FBN2: variants seen among roughly 807,000 people sequenced by gnomAD.
The protein encoded by FBN2 is fibrillin 2.
Under a neutral mutation model 355.6 loss-of-function variants are expected in FBN2, and 105 were observed. That is an observed-to-expected ratio of 0.30 (90% CI 0.25 to 0.35). The LOEUF is 0.35. Among genes scored for constraint, FBN2 ranks in the 10% least tolerant of loss-of-function variants. FBN2 has a pLI of 1.00. For synonymous variants in FBN2, 1,350 were observed against 1,301.2 expected (o/e 1.04, Z -0.81); for missense variants, 3,280 against 3,758.7 (o/e 0.87, Z 3.33).
chr5:128,512,328 G>A (rs1431560277), intron 5 of FBN2, among the ~76,000 whole-genome samples: 1 of 151,856 alleles, frequency 6.6e-6, no homozygotes, highest in Non-Finnish European at 1.5e-5. Context: ...CCTGGCCAAC[G>A]TGGCAAAACC....
chr5:128,386,621 A>AT (rs1477552274), intron 11 of FBN2, among the ~76,000 whole-genome samples: 1 of 152,112 alleles, frequency 6.6e-6, no homozygotes, highest in Non-Finnish European at 1.5e-5. Context: ...CACTATGGTC[A>AT]TTTTAATAAT....
At chr5:128,288,907 T>C (rs1744894904) in intron 52 of FBN2, among the ~76,000 whole-genome samples, 1 of 152,134 alleles carries the variant, frequency 6.6e-6, no homozygotes, top group South Asian at 2.1e-4. Flanking sequence ...CACATAAGAT[T>C]TTGTATGTTT....
intron 19 of FBN2, among the ~76,000 whole-genome samples, chr5:128,360,232 T>C (rs1321018919): frequency 3.9e-5 from 6 of 152,160 alleles, no homozygotes; most frequent in Non-Finnish European, 8.8e-5. Flanking sequence ...ATGGCTAGGA[T>C]ACTTTTTCAT....
At position 128,328,931 on chromosome 5, in the gene FBN2, C is replaced by G; in HGVS notation, c.4346-110G>C. ...ACTGGCTTGACTTAATGCTCATTAA[C>G]ATGAAACAACAGTTAATCACATTCA... On this transcript the variant is annotated intron_variant, in intron 33 of 64. Coordinates refer to ENST00000262464, the MANE Select transcript of FBN2 (RefSeq NM_001999.4). 3 of 1,096,876 alleles carry G rather than the reference C, an allele frequency of 2.7e-6. No homozygotes were observed. The East Asian group carries it at 7.3e-5, about 27-fold the overall frequency. The allele number at this position is 1,096,876 out of a possible 1,614,324, so 67.9% of individuals were successfully genotyped here.
Position 128,277,798 on chromosome 5 carries a change from A to G in FBN2, c.7471+82T>C. On this transcript the variant is annotated intron_variant, in intron 58 of 64. Transcript: ENST00000262464. ...TATTCCAAAGCTCCATAATAAAGAC[A>G]CTCTACTGATAATGAGTGACTTGCA... The G allele has an allele frequency of 5.0e-6, 7 of 1,412,858 alleles. No homozygotes were observed. The South Asian group carries it at 8.1e-5, about 16-fold the overall frequency. The allele number at this position is 1,412,858 out of a possible 1,614,324, so 87.5% of individuals were successfully genotyped here.
intron 6 of FBN2, among the ~76,000 whole-genome samples, chr5:128,453,882 T>C (rs1345766037): frequency 6.6e-6 from 1 of 152,182 alleles, no homozygotes; most frequent in South Asian, 2.1e-4. Flanking sequence ...ATTTACAGAT[T>C]ACTTGCTAGT....
At chr5:128,536,344 C>T in intron 2 of FBN2, 58 bp downstream of exon 2, 1 of 1,369,582 alleles carries the variant, frequency 7.3e-7, no homozygotes, top group Admixed American at 1.7e-5. Context: ...TGCAAGAGGT[C>T]GGCCGGAGAT....
chr5:128,507,980 C>T (rs989112261), intron 5 of FBN2, among the ~76,000 whole-genome samples: 1 of 152,034 alleles, frequency 6.6e-6, no homozygotes, highest in Non-Finnish European at 1.5e-5. Flanking sequence ...AGAACCATCA[C>T]ATCTTCTTGA....
At chr5:128,519,966 A>G (rs1397282858) in intron 4 of FBN2, among the ~76,000 whole-genome samples, 2 of 152,226 alleles carry the variant, frequency 1.3e-5, no homozygotes, top group Admixed American at 1.3e-4. Flanking sequence ...ATAAAATGCC[A>G]AAAGAAGTAA....
At chr5:128,336,809 G>A (rs1319230173) in intron 27 of FBN2, among the ~76,000 whole-genome samples, 2 of 152,204 alleles carry the variant, frequency 1.3e-5, no homozygotes, top group African/African-American at 4.8e-5. Flanking sequence ...AAAATGGCAG[G>A]GTGATACACT....
chr5:128,427,846 T>C lies in FBN2; in HGVS notation c.952+18635A>G, dbSNP rs78961954. 7.4e-3 allele frequency among the ~76,000 whole-genome samples: 1,125 copies of C among 152,254 alleles called. 14 individuals carry two copies. The highest frequency in any genetic ancestry group is 0.025 in the African/African-American group (1,058 of 41,550). ...CCCTGCAATAAATGCCTCATTTTCT[T>C]TTGCTGCAATCTCGATGCCAGTGTT... On this transcript the variant is annotated intron_variant, in intron 7 of 64. Transcript: ENST00000262464.
chr5:128,486,151 C>T (rs1755332177), intron 5 of FBN2, among the ~76,000 whole-genome samples: 1 of 149,534 alleles, frequency 6.7e-6, no homozygotes, highest in Non-Finnish European at 1.5e-5. Context: ...AATTTTTACT[C>T]CTTAGACCTC....
At chr5:128,342,121 G>A (rs777699591) in intron 25 of FBN2, among the ~76,000 whole-genome samples, 5 of 152,122 alleles carry the variant, frequency 3.3e-5, no homozygotes, top group Non-Finnish European at 7.4e-5. Context: ...GGGTCTGGGA[G>A]TCAGCTCAGC....
chr5:128,406,298 T>C (rs922467041), intron 8 of FBN2, among the ~76,000 whole-genome samples: 2 of 152,200 alleles, frequency 1.3e-5, no homozygotes, highest in African/African-American at 4.8e-5. Context: ...ACTACACTTA[T>C]CACACATTGT....
At chr5:128,390,896 T>C in intron 11 of FBN2, among the ~76,000 whole-genome samples, 1 of 152,358 alleles carries the variant, frequency 6.6e-6, no homozygotes, top group Non-Finnish European at 1.5e-5. Context: ...TATTTAACAC[T>C]GTATGCTTGA....
chr5:128,377,672 T>C, intron 13 of FBN2, 80 bp downstream of exon 13: 10 of 1,464,520 alleles, frequency 6.8e-6, no homozygotes, highest in Non-Finnish European at 9.5e-6. Context: ...GTGTGAGCTT[T>C]CATGGAAATA....
rs1756428595 is a variant in FBN2, at chr5:128,521,330, C to CA, written c.533-1963dup. Among the ~76,000 whole-genome samples the CA allele has an allele frequency of 2.0e-5, 3 of 152,056 alleles. No homozygotes were observed. The South Asian group carries it at 6.2e-4, about 32-fold the overall frequency. On this transcript the variant is annotated intron_variant, in intron 4 of 64. Coordinates refer to ENST00000262464, the MANE Select transcript of FBN2 (RefSeq NM_001999.4). The stretch of plus-strand genomic sequence containing the variant: ...GAACTGAACGATGAGAACACATGGA[C>CA]ACTGGGAGAGGAACAACACACACTG...
chr5:128,393,589 G>A (rs1438438656), intron 9 of FBN2, among the ~76,000 whole-genome samples: 1 of 152,198 alleles, frequency 6.6e-6, no homozygotes, highest in East Asian at 1.9e-4. Context: ...TATTTTAACT[G>A]AGTTGCATAA....
intron 34 of FBN2, among the ~76,000 whole-genome samples, chr5:128,320,803 A>G (rs989898198): frequency 6.6e-6 from 1 of 152,220 alleles, no homozygotes; most frequent in African/African-American, 2.4e-5. Flanking sequence ...ACAGTTTTAA[A>G]ATACTTTTCT....
Sources: gnomAD v4.1 joint callset for allele counts (sites outside exome capture counted in the v4.1 genomes callset) on GRCh38, gnomAD v4.1.1 for gene constraint, MANE v1.5 for transcripts, NCBI Gene and HGNC (gene_info 2026-07-23, HGNC 2026-07-21) for gene names.